MASP1: variants seen among roughly 807,000 people sequenced by gnomAD.
The protein encoded by MASP1 is MBL associated serine protease 1.
MASP1 carries 59 observed loss-of-function variants against 77.1 expected under a neutral mutation model. The observed-to-expected ratio is 0.77, with a 90% CI of 0.62 to 0.95. MASP1 has a LOEUF of 0.95. Among genes scored for constraint, MASP1 ranks in the 40% least tolerant of loss-of-function variants. MASP1 has a pLI of 0.00. For missense variants in MASP1, 885 were observed against 912.9 expected (o/e 0.97, Z 0.39); for synonymous variants, 362 against 354.5 (o/e 1.02, Z -0.24).
intron 10 of MASP1, among the ~76,000 whole-genome samples, chr3:187,237,225 A>G (rs1713259739): frequency 6.6e-6 from 1 of 152,204 alleles, no homozygotes; most frequent in African/African-American, 2.4e-5. Context: ...GAGATCCTTT[A>G]ATTTTCATTT....
At chr3:187,250,222 C>G (rs1184598192) in intron 8 of MASP1, 29 bp downstream of exon 8, 1 of 1,592,448 alleles carries the variant, frequency 6.3e-7, no homozygotes, top group African/African-American at 1.3e-5. Flanking sequence ...AGCTCAGTAT[C>G]TTTATAACAA....
chr3:187,233,421 A>G (rs1033662278), downstream of MASP1, among the ~76,000 whole-genome samples: 3 of 151,982 alleles, frequency 2.0e-5, no homozygotes, highest in African/African-American at 7.3e-5. Context: ...TCTCCCACAC[A>G]TCCTTTGAAG....
intron 2 of MASP1, among the ~76,000 whole-genome samples, chr3:187,273,375 G>A (rs1716681747): frequency 6.6e-6 from 1 of 152,166 alleles, no homozygotes; most frequent in South Asian, 2.1e-4. Context: ...GACATCAAAA[G>A]GGTACTCTTA....
chr3:187,280,495 G>A (rs1717323568), intron 2 of MASP1, among the ~76,000 whole-genome samples: 1 of 152,140 alleles, frequency 6.6e-6, no homozygotes, highest in Admixed American at 6.5e-5. Flanking sequence ...TAACTATCTA[G>A]ACTCTCTCCA....
chr3:187,241,057 A>G (rs1025529910), intron 10 of MASP1, among the ~76,000 whole-genome samples: 1 of 152,226 alleles, frequency 6.6e-6, no homozygotes, highest in South Asian at 2.1e-4. Flanking sequence ...GGAATCGGAA[A>G]GGCTTGACTA....
intron 2 of MASP1, among the ~76,000 whole-genome samples, chr3:187,280,369 A>G (rs1029378982): frequency 1.3e-5 from 2 of 152,244 alleles, no homozygotes; most frequent in East Asian, 1.9e-4. Flanking sequence ...AAAGAAAGAA[A>G]GAGAGTGCAA....
intron 5 of MASP1, among the ~76,000 whole-genome samples, chr3:187,254,115 T>A (rs2108546520): frequency 6.6e-6 from 1 of 152,260 alleles, no homozygotes; most frequent in East Asian, 1.9e-4. Context: ...GAACCTGCAG[T>A]CTAGTTGGGG....
At position 187,253,040 on chromosome 3, in the gene MASP1, A is replaced by T. The variant is rs1468889826; in HGVS notation, c.892+128T>A. 3.2e-6 allele frequency: 4 copies of T among 1,246,104 alleles called. No individual in the cohort carries two copies. The East Asian group carries it at 9.4e-5, about 29-fold the overall frequency. 77.2% of individuals were successfully genotyped at this position (1,246,104 alleles called of 1,614,324 possible). A position where few individuals can be genotyped will look rare whatever the true frequency, so the allele number is the denominator to read the frequency against. On this transcript the variant is annotated intron_variant, in intron 6 of 10. Transcript: ENST00000296280. ...GGAGAAAGCACGTGCCTTGGTCCCC[A>T]GCTGCTCAACTGGGAGTCCCATCAG...
In MASP1 at chr3:187,235,422, C is replaced by T; in HGVS notation, c.*262G>A. On this transcript the variant is annotated 3_prime_UTR_variant, in exon 11 of 11. Coordinates refer to ENST00000296280, the MANE Select transcript of MASP1 (RefSeq NM_139125.4). ...TTGGCACAGAGGCCTTGGTTGAGCT[C>T]CTGCATTGTATTACTCGGTAGAGTG... is the stretch of plus-strand genomic sequence containing the variant. 1 of 1,491,124 alleles carries T rather than the reference C, an allele frequency of 6.7e-7. No individual in the cohort carries two copies. The highest frequency in any genetic ancestry group is 8.9e-7 in the Non-Finnish European group (1 of 1,119,802). The allele number at this position is 1,491,124 out of a possible 1,614,324, so 92.4% of individuals were successfully genotyped here.
intron 5 of MASP1, among the ~76,000 whole-genome samples, chr3:187,254,642 G>A (rs960372086): frequency 6.6e-6 from 1 of 151,866 alleles, no homozygotes; most frequent in African/African-American, 2.4e-5. Flanking sequence ...ATTGTGTAGG[G>A]CAAGAGTGGA....
At chr3:187,218,473 A>C (rs1711869305) in exon 16 of MASP1, 1 of 152,604 alleles carries the variant, frequency 6.6e-6, no homozygotes, top group South Asian at 2.1e-4. Flanking sequence ...GCTGGGTCCC[A>C]TTGCCACCTT....
rs1161471195 is a variant in MASP1 at position 187,250,341 on chromosome 3, C to T, written c.1012-12G>A. Reference sequence around the variant, plus strand: ...ATCTCCACATTATCCTGGGAAGAGACAGGAAGAAGGGAGTGGGAAGAAGGA... The same window carrying T: ...ATCTCCACATTATCCTGGGAAGAGATAGGAAGAAGGGAGTGGGAAGAAGGA... On this transcript the variant is annotated splice_polypyrimidine_tract_variant and intron_variant, in intron 7 of 10. Transcript: ENST00000296280. 7.5e-6 allele frequency: 12 copies of T among 1,605,438 alleles called. No individual in the cohort carries two copies. Among genetic ancestry groups the T allele is most frequent in the Non-Finnish European group, 1.0e-5 (12 of 1,172,172 alleles).
chr3:187,261,381 G>T (rs1579538890), intron 3 of MASP1, among the ~76,000 whole-genome samples: 1 of 152,246 alleles, frequency 6.6e-6, no homozygotes, highest in East Asian at 1.9e-4. Flanking sequence ...CTTTCTTTCT[G>T]CCCCTAATGT....
At chr3:187,277,754 C>T (rs1039945195) in intron 2 of MASP1, among the ~76,000 whole-genome samples, 2 of 152,132 alleles carry the variant, frequency 1.3e-5, no homozygotes, top group Admixed American at 1.3e-4. Flanking sequence ...TGCAATAATC[C>T]GTGCTCTTCC....
intron 2 of MASP1, among the ~76,000 whole-genome samples, chr3:187,267,949 A>G (rs2108575367): frequency 6.6e-6 from 1 of 152,248 alleles, no homozygotes; most frequent in East Asian, 1.9e-4. Flanking sequence ...ATCTCACATT[A>G]CTCATAAAGA....
At chr3:187,266,922 A>T (rs1716079178) in intron 2 of MASP1, among the ~76,000 whole-genome samples, 1 of 152,232 alleles carries the variant, frequency 6.6e-6, no homozygotes, top group African/African-American at 2.4e-5. Flanking sequence ...AGGGAAGGAC[A>T]GCTACTCTCG....
chr3:187,222,465 A>G (rs1243002509), intron 14 of MASP1, among the ~76,000 whole-genome samples: 10 of 152,188 alleles, frequency 6.6e-5, no homozygotes, highest in Admixed American at 6.5e-4. Context: ...TCAAAATAAT[A>G]TATGTGGAAG....
At chr3:187,221,632 G>A (rs1712066635) in intron 14 of MASP1, among the ~76,000 whole-genome samples, 1 of 152,204 alleles carries the variant, frequency 6.6e-6, no homozygotes, top group South Asian at 2.1e-4. Context: ...GCAGGAACAA[G>A]TGCTTTGTAA....
intron 5 of MASP1, among the ~76,000 whole-genome samples, chr3:187,255,415 G>C (rs1367586983): frequency 2.6e-5 from 4 of 152,170 alleles, no homozygotes; most frequent in African/African-American, 9.7e-5. Flanking sequence ...CTTCTCCAGA[G>C]CCTCTAGATA....
Sources: gnomAD v4.1 joint callset for allele counts (sites outside exome capture counted in the v4.1 genomes callset) on GRCh38, gnomAD v4.1.1 for gene constraint, MANE v1.5 for transcripts, NCBI Gene and HGNC (gene_info 2026-07-23, HGNC 2026-07-21) for gene names.